Variants in LITAF observed in about 807,000 individuals in gnomAD.
LITAF encodes lipopolysaccharide induced TNF factor.
Under a neutral mutation model 14.5 loss-of-function variants are expected in LITAF, and 9 were observed. The ratio of observed to expected loss-of-function variants is 0.62; its 90% CI spans 0.37 to 1.08. The LOEUF is 1.08. Among genes scored for constraint, LITAF ranks in the 50% least tolerant of loss-of-function variants. The pLI is 0.01. For missense variants in LITAF, 206 were observed against 213.4 expected, an observed-to-expected ratio of 0.97 and a Z score of 0.22; for synonymous variants, 98 against 88.2, an observed-to-expected ratio of 1.11 and a Z score of -0.62.
At chr16:11,628,242 T>C (rs1162095318) in intron 3 of LITAF, among the ~76,000 whole-genome samples, 1 of 152,086 alleles carries the variant, frequency 6.6e-6, no homozygotes, top group South Asian at 2.1e-4. Flanking sequence ...AGCCCTGAGG[T>C]TGGTGTGGCC....
intron 1 of LITAF, among the ~76,000 whole-genome samples, chr16:11,568,332 G>C (rs1405794606): frequency 6.6e-6 from 1 of 150,912 alleles, no homozygotes. Flanking sequence ...TCTTACCACT[G>C]TATTATCCAT....
rs1228942950 is a variant in LITAF at position 11,558,936 on chromosome 16, AG to A, written c.-5-2202del. Among the ~76,000 whole-genome samples, 3 of 151,996 alleles carry A rather than the reference AG, an allele frequency of 2.0e-5. No homozygotes were observed. Among genetic ancestry groups the A allele is most frequent in the Admixed American group, 2.0e-4 (3 of 15,240 alleles). On this transcript the variant is annotated intron_variant, in intron 1 of 3. Transcript: ENST00000622633. The surrounding 1 kb of genome is among the most constrained non-coding windows in gnomAD (Gnocchi z 4.1). Reference sequence around the variant, plus strand: ...CAATATAGCAGCCACCAGTCACGTAAGGTTATTGGGCGTCTAAAATGTGGCT... The same window carrying A: ...CAATATAGCAGCCACCAGTCACGTAAGTTATTGGGCGTCTAAAATGTGGCT...
chr16:11,566,973 A>G (rs780527058), intron 1 of LITAF, among the ~76,000 whole-genome samples: 2 of 152,218 alleles, frequency 1.3e-5, no homozygotes, highest in Non-Finnish European at 2.9e-5. Flanking sequence ...TATGGTGCAG[A>G]TGCCAGCACA....
chr16:11,614,058 G>A (rs1056906029), intron 3 of LITAF, among the ~76,000 whole-genome samples: 2 of 152,196 alleles, frequency 1.3e-5, no homozygotes, highest in African/African-American at 4.8e-5. Context: ...CCATTGTACA[G>A]ACGGGGCAGC....
chr16:11,578,882 G>C (rs1422751683), intron 1 of LITAF, among the ~76,000 whole-genome samples: 2 of 152,156 alleles, frequency 1.3e-5, no homozygotes, highest in East Asian at 3.9e-4. Flanking sequence ...TGGCTGAGGA[G>C]ACAAGATGAC....
At chr16:11,611,007 A>C (rs1209328356) in intron 3 of LITAF, among the ~76,000 whole-genome samples, 1 of 151,970 alleles carries the variant, frequency 6.6e-6, no homozygotes, top group African/African-American at 2.4e-5. Flanking sequence ...GTCAAGGAGA[A>C]GGCGCCTAAA....
chr16:11,637,904 ATATATATATCTATATCTATATCTATATC>A (rs1567270798), upstream of LITAF, among the ~76,000 whole-genome samples: 39 of 60,752 alleles, frequency 6.4e-4, 13 homozygotes, highest in African/African-American at 5.2e-3. Flanking sequence ...AAAACTATAT[ATATATATATCTATATCTATATCTATATC>A]TATATCTATA....
intron 1 of LITAF, among the ~76,000 whole-genome samples, chr16:11,565,218 G>A (rs894085733): frequency 1.1e-4 from 16 of 151,588 alleles, no homozygotes; most frequent in Admixed American, 6.6e-5. Context: ...TAATAGCTGG[G>A]ATTACAGGTG....
Position 11,570,029 on chromosome 16 carries a change from C to CA in LITAF, c.-5-13295dup, listed in dbSNP as rs61431032. On this transcript the variant is annotated intron_variant, in intron 1 of 3. Coordinates refer to ENST00000622633, the MANE Select transcript of LITAF (RefSeq NM_001136472.2). ...TGGGCCACAGAGCGAGACTTTGCCT[C>CA]AAAAAAAAAAAAAAAGTTAAAATGG... is the stretch of plus-strand genomic sequence containing the variant. Among the ~76,000 whole-genome samples the CA allele has an allele frequency of 3.4e-3, 420 of 122,640 alleles. 1 individual carries two copies. Among genetic ancestry groups the CA allele is most frequent in the African/African-American group, 5.4e-3 (178 of 32,954 alleles). 80.5% of individuals were successfully genotyped at this position (122,640 alleles called of 152,430 possible).
chr16:11,597,773 T>G (rs2064899565), intron 1 of LITAF, among the ~76,000 whole-genome samples: 1 of 152,098 alleles, frequency 6.6e-6, no homozygotes, highest in African/African-American at 2.4e-5. Context: ...CCCTCCGCAG[T>G]CTGAAGGAGA....
intron 3 of LITAF, chr16:11,551,753 G>A: frequency 1.5e-6 from 1 of 687,034 alleles, no homozygotes; most frequent in Non-Finnish European, 2.7e-6. Flanking sequence ...GATTGCAGGA[G>A]CCCAGGAGAT....
intron 3 of LITAF, among the ~76,000 whole-genome samples, chr16:11,630,707 T>C (rs1597377582): frequency 6.6e-6 from 1 of 151,508 alleles, no homozygotes; most frequent in Non-Finnish European, 1.5e-5. Flanking sequence ...GCTTCCTAGA[T>C]AGCTGGGACT....
upstream of LITAF, among the ~76,000 whole-genome samples, chr16:11,589,903 T>C (rs1466514992): frequency 8.1e-6 from 1 of 122,870 alleles, no homozygotes; most frequent in African/African-American, 3.7e-5. Flanking sequence ...GGATTACAGG[T>C]GTGAGGCACC....
intron 1 of LITAF, among the ~76,000 whole-genome samples, chr16:11,568,450 C>T (rs556584253): frequency 3.3e-5 from 5 of 152,198 alleles, no homozygotes; most frequent in African/African-American, 1.2e-4. Context: ...GCCCTAAAGC[C>T]ACTTGTTCAA....
upstream of LITAF, chr16:11,587,299 C>T (rs1471381772): frequency 2.3e-6 from 1 of 441,440 alleles, no homozygotes; most frequent in Non-Finnish European, 4.6e-6. Flanking sequence ...CCCCCCTCCC[C>T]GCGCCGCTCC....
Position 11,569,687 on chromosome 16 carries a change from G to C in LITAF, c.-5-12952C>G, listed in dbSNP as rs537206855. On this transcript the variant is annotated intron_variant, in intron 1 of 3. Coordinates refer to ENST00000622633, the MANE Select transcript of LITAF (RefSeq NM_001136472.2). ...CTCAGAGTGAAGAGAAGACACAGAT[G>C]ATGGTGAACAGGCAGGGCATGAAGA... 3.9e-5 allele frequency among the ~76,000 whole-genome samples: 6 copies of C among 152,300 alleles called. No individual in the cohort carries two copies. The South Asian group carries it at 8.3e-4, about 21-fold the overall frequency.
At position 11,548,975 on chromosome 16, in the gene LITAF, C is replaced by G; in HGVS notation, c.*662G>C. ...AGGGGAGACAGGGCAGTGATAAGAT[C>G]CAGCCCTATTTTTCTAGCATGCATT... On this transcript the variant is annotated 3_prime_UTR_variant, in exon 4 of 4. Coordinates refer to ENST00000622633, the MANE Select transcript of LITAF (RefSeq NM_001136472.2). 2.2e-6 allele frequency: 1 copy of G among 453,944 alleles called. No individual in the cohort carries two copies. The highest frequency in any genetic ancestry group is 1.6e-5 in the South Asian group (1 of 64,466). 28.1% of individuals were successfully genotyped at this position (453,944 alleles called of 1,614,324 possible). A position where few individuals can be genotyped will look rare whatever the true frequency, so the allele number is the denominator to read the frequency against.
At chr16:11,588,593 A>AAGGG (rs72071151), upstream of LITAF, among the ~76,000 whole-genome samples, 4 of 145,946 alleles carry the variant, frequency 2.7e-5, no homozygotes, top group Non-Finnish European at 4.5e-5. Context: ...GGAAAGAAGG[A>AAGGG]AGGGAGGGAG....
At chr16:11,625,810 C>G (rs576835128) in intron 3 of LITAF, among the ~76,000 whole-genome samples, 39 of 152,286 alleles carry the variant, frequency 2.6e-4, no homozygotes, top group Non-Finnish European at 5.1e-4. Context: ...AACTTGGAGT[C>G]AGCCAGGCTA....
Sources: gnomAD v4.1 joint callset for allele counts (sites outside exome capture counted in the v4.1 genomes callset) on GRCh38, gnomAD v4.1.1 for gene constraint, Gnocchi (gnomAD v3.1) non-coding constraint, MANE v1.5 for transcripts, NCBI Gene and HGNC (gene_info 2026-07-23, HGNC 2026-07-21) for gene names.